RBM47: variants seen among roughly 807,000 people sequenced by gnomAD.
RBM47 encodes RNA binding motif protein 47.
RBM47 carries 21 observed loss-of-function variants against 47.1 expected under a neutral mutation model. That is an observed-to-expected ratio of 0.45 (90% CI 0.32 to 0.64). The LOEUF is 0.64. Ranked by LOEUF, RBM47 falls within the 30% of genes least tolerant of loss-of-function variation. The pLI is 0.05. For missense variants in RBM47, 708 were observed against 870.9 expected (o/e 0.81, Z 2.35); for synonymous variants, 375 against 361.7 (o/e 1.04, Z -0.42).
chr4:40,466,348 C>T (rs1221336485), intron 3 of RBM47, among the ~76,000 whole-genome samples: 2 of 147,178 alleles, frequency 1.4e-5, no homozygotes, highest in Admixed American at 6.8e-5. Flanking sequence ...ATAAGCAACA[C>T]ATAGTTATAT....
chr4:40,586,505 G>A (rs1329636648), intron 1 of RBM47, among the ~76,000 whole-genome samples: 1 of 151,326 alleles, frequency 6.6e-6, no homozygotes, highest in Non-Finnish European at 1.5e-5. Flanking sequence ...GCAGGGAAAT[G>A]GGAGGGAGAG....
rs147143067 is a variant in RBM47 at position 40,487,291 on chromosome 4, A to ATTTCT, written c.-154-20597_-154-20593dup. Among the ~76,000 whole-genome samples the ATTTCT allele has an allele frequency of 6.4e-3, 975 of 152,186 alleles. 14 individuals carry two copies. The highest frequency in any genetic ancestry group is 0.022 in the African/African-American group (901 of 41,520). On this transcript the variant is annotated intron_variant, in intron 2 of 6. Coordinates refer to ENST00000295971, the MANE Select transcript of RBM47 (RefSeq NM_001098634.2). ...TTGGTAATTTCAGCTCTACATCATCATTTCTTTTCTTTTCTTTTTTTAAAG... is the reference window on the plus strand; with the variant it reads ...TTGGTAATTTCAGCTCTACATCATCATTTCTTTTCTTTTCTTTTCTTTTTTTAAAG...
chr4:40,506,208 G>A (rs545365003), intron 2 of RBM47, among the ~76,000 whole-genome samples: 1 of 152,188 alleles, frequency 6.6e-6, no homozygotes, highest in Non-Finnish European at 1.5e-5. Flanking sequence ...GTCCAGGTTT[G>A]CATTTGTGAT....
At chr4:40,530,189 G>A (rs1727254330) in intron 2 of RBM47, among the ~76,000 whole-genome samples, 1 of 151,934 alleles carries the variant, frequency 6.6e-6, no homozygotes, top group East Asian at 1.9e-4. Context: ...GCCCACCTTG[G>A]CCTCTCAAAG....
At chr4:40,440,778 T>G (rs1054394677) in intron 3 of RBM47, among the ~76,000 whole-genome samples, 1 of 152,200 alleles carries the variant, frequency 6.6e-6, no homozygotes, top group Non-Finnish European at 1.5e-5. Flanking sequence ...ATGATAATAA[T>G]AGTATTAACC....
intron 1 of RBM47, among the ~76,000 whole-genome samples, chr4:40,615,720 G>A (rs1736659592): frequency 6.6e-6 from 1 of 152,082 alleles, no homozygotes; most frequent in African/African-American, 2.4e-5. Flanking sequence ...GGTGGAAGTT[G>A]CAGTGAGCCA....
intron 2 of RBM47, among the ~76,000 whole-genome samples, chr4:40,529,086 CAT>C (rs1250284431): frequency 6.6e-6 from 1 of 152,088 alleles, no homozygotes; most frequent in African/African-American, 2.4e-5. Flanking sequence ...CCAGTAGCCA[CAT>C]ATGTCTATTA....
chr4:40,545,208 T>A (rs1368910141), intron 1 of RBM47, among the ~76,000 whole-genome samples: 1 of 151,184 alleles, frequency 6.6e-6, no homozygotes, highest in Non-Finnish European at 1.5e-5. Context: ...TGCCCCACCA[T>A]GCCCAGCTAA....
At chr4:40,629,907 G>A (rs140477696), upstream of RBM47, 435 of 142,780 alleles carry the variant, frequency 3.0e-3, 15 homozygotes, top group East Asian at 0.078. Flanking sequence ...CCCGCCGCCC[G>A]CCCCCTGCCG....
intron 1 of RBM47, among the ~76,000 whole-genome samples, chr4:40,562,246 T>C (rs1037650557): frequency 6.6e-6 from 1 of 152,020 alleles, no homozygotes; most frequent in Admixed American, 6.6e-5. Context: ...GAAAAATGTG[T>C]CTCTCAGAAG....
Position 40,532,358 on chromosome 4 carries a change from G to A in RBM47, c.-155+12064C>T, listed in dbSNP as rs113390630. On this transcript the variant is annotated intron_variant, in intron 2 of 6. Coordinates refer to ENST00000295971, the MANE Select transcript of RBM47 (RefSeq NM_001098634.2). ...AGATGGAGTCTTGCTCTGTCACCAGGTTGGAGTGCAGTGGCACGATCTCGG... is the reference window on the plus strand; with the variant it reads ...AGATGGAGTCTTGCTCTGTCACCAGATTGGAGTGCAGTGGCACGATCTCGG... Among the ~76,000 whole-genome samples the A allele has an allele frequency of 3.7e-3, 482 of 132,054 alleles. 3 individuals carry two copies. The highest frequency in any genetic ancestry group is 0.014 in the African/African-American group (452 of 33,092). The allele number at this position is 132,054 out of a possible 152,430, so 86.6% of individuals were successfully genotyped here.
chr4:40,508,126 G>A (rs1253093211), intron 2 of RBM47, among the ~76,000 whole-genome samples: 3 of 152,200 alleles, frequency 2.0e-5, no homozygotes, highest in South Asian at 4.1e-4. Context: ...GGAGGTGGCG[G>A]AGCCTCAACA....
chr4:40,530,672 G>T (rs1727302627), intron 2 of RBM47, among the ~76,000 whole-genome samples: 1 of 152,154 alleles, frequency 6.6e-6, no homozygotes, highest in South Asian at 2.1e-4. Context: ...GACATCACAG[G>T]TCTAAAATAA....
rs953921079 is a variant in RBM47 at position 40,472,706 on chromosome 4, T to C, written c.-154-6007A>G. Among the ~76,000 whole-genome samples, 3 of 152,148 alleles carry C rather than the reference T, an allele frequency of 2.0e-5. No homozygotes were observed. The South Asian group carries it at 6.2e-4, about 32-fold the overall frequency. ...TGGAAAGCATGAATTCTAGTAAGTG[T>C]AATATATATATAAACAAGTATAGAA... is the stretch of plus-strand genomic sequence containing the variant. On this transcript the variant is annotated intron_variant, in intron 2 of 6. Transcript: ENST00000295971.
chr4:40,567,862 T>A (rs902283745), intron 1 of RBM47, among the ~76,000 whole-genome samples: 2 of 152,030 alleles, frequency 1.3e-5, no homozygotes, highest in African/African-American at 4.8e-5. Flanking sequence ...TTATGCTTTA[T>A]ATTCCTGTAG....
chr4:40,431,318 T>C (rs1345969658), intron 6 of RBM47, among the ~76,000 whole-genome samples: 1 of 152,128 alleles, frequency 6.6e-6, no homozygotes, highest in African/African-American at 2.4e-5. Context: ...TAGAACACAC[T>C]GGCAGCCATA....
At chr4:40,535,208 T>C (rs140553328) in intron 2 of RBM47, among the ~76,000 whole-genome samples, 8 of 152,164 alleles carry the variant, frequency 5.3e-5, no homozygotes, top group African/African-American at 1.2e-4. Context: ...ATCATTATTT[T>C]CTTAAGACCT....
At chr4:40,557,441 G>A (rs1013123232) in intron 1 of RBM47, among the ~76,000 whole-genome samples, 2 of 152,084 alleles carry the variant, frequency 1.3e-5, no homozygotes, top group African/African-American at 4.8e-5. Flanking sequence ...CCACATCCTA[G>A]TAGCTCCATA....
intron 2 of RBM47, chr4:40,543,274 G>A (rs1267875742): frequency 2.6e-5 from 4 of 152,138 alleles, no homozygotes; most frequent in African/African-American, 4.8e-5. Context: ...GTCACTCTGG[G>A]ACATAGCATG....
Sources: gnomAD v4.1 joint callset for allele counts (sites outside exome capture counted in the v4.1 genomes callset) on GRCh38, gnomAD v4.1.1 for gene constraint, MANE v1.5 for transcripts, NCBI Gene and HGNC (gene_info 2026-07-23, HGNC 2026-07-21) for gene names.